ZNF141: variants seen among roughly 807,000 people sequenced by gnomAD.
The protein encoded by ZNF141 is zinc finger protein 141.
ZNF141 carries 7 observed loss-of-function variants against 11.3 expected under a neutral mutation model. That is an observed-to-expected ratio of 0.62 (90% CI 0.35 to 1.16). The LOEUF (loss-of-function observed/expected upper bound fraction) is 1.16. Among genes scored for constraint, ZNF141 ranks in the 50% most tolerant of loss-of-function variants. The pLI is 0.02. For synonymous variants in ZNF141, 183 were observed against 190.7 expected, an observed-to-expected ratio of 0.96 and a Z score of 0.33; for missense variants, 535 against 554.0, an observed-to-expected ratio of 0.97 and a Z score of 0.34.
chr4:368,494 G>A (rs1462606198), intron 3 of ZNF141, among the ~76,000 whole-genome samples: 4 of 152,068 alleles, frequency 2.6e-5, no homozygotes, highest in African/African-American at 9.7e-5. Context: ...CACCTGTCTC[G>A]GCCTCCCAAA....
Position 379,196 on chromosome 4 carries a change from T to C in ZNF141, c.*5334T>C, listed in dbSNP as rs982725907. ...TACTGTGTTCACGAAGTGGCCAATTTTGGGACCTTTAGCATCACTTGCCCT... is the reference window on the plus strand; with the variant it reads ...TACTGTGTTCACGAAGTGGCCAATTCTGGGACCTTTAGCATCACTTGCCCT... On this transcript the variant is annotated 3_prime_UTR_variant, in exon 4 of 4. Transcript: ENST00000240499. Among the ~76,000 whole-genome samples, 1 of 151,962 alleles carries C rather than the reference T, an allele frequency of 6.6e-6. No individual in the cohort carries two copies. Among genetic ancestry groups the C allele is most frequent in the African/African-American group, 2.4e-5 (1 of 41,334 alleles).
chr4:346,893 A>ACCCCCCC lies in ZNF141; in HGVS notation c.226+2465_226+2466insCCCCCCC, dbSNP rs781896435. Among the ~76,000 whole-genome samples, 91 of 135,432 alleles carry ACCCCCCC rather than the reference A, an allele frequency of 6.7e-4. 5 individuals are homozygous for ACCCCCCC. The highest frequency in any genetic ancestry group is 2.7e-3 in the African/African-American group (85 of 31,332). 88.8% of individuals were successfully genotyped at this position (135,432 alleles called of 152,430 possible). A position where few individuals can be genotyped will look rare whatever the true frequency, so the allele number is the denominator to read the frequency against. On this transcript the variant is annotated intron_variant, in intron 3 of 3. Transcript: ENST00000240499. ...TATATATGTATACACACACACACAC[A>ACCCCCCC]CCGCCCCCCCCATATATTGGCTACT...
intron 3 of ZNF141, among the ~76,000 whole-genome samples, chr4:367,116 A>G (rs1229871991): frequency 2.0e-5 from 3 of 152,262 alleles, no homozygotes; most frequent in Non-Finnish European, 4.4e-5. Flanking sequence ...TGGATAGGAA[A>G]GAGCAGAAAT....
chr4:353,375 A>AAC lies in ZNF141; in HGVS notation c.226+8946_226+8947insCA, dbSNP rs1277214776. On this transcript the variant is annotated intron_variant, in intron 3 of 3. Transcript: ENST00000240499. ...GAGTGACAAAGTGAGACCCTGTCTA[A>AAC]AAAAAAAAAAAATCACAGCAGACTT... is the stretch of plus-strand genomic sequence containing the variant. Among the ~76,000 whole-genome samples the AAC allele has an allele frequency of 2.0e-5, 3 of 148,854 alleles. No homozygotes were observed. In the East Asian group the frequency reaches 5.9e-4, roughly 29 times the overall value.
rs1712565785 is a variant in ZNF141, at chr4:380,557, C to A, written c.*6695C>A. ...ATCCCAGCTACTCAAGAGGTTGAGG[C>A]AGGAGAATCAGTTGAACCTGGGAGG... On this transcript the variant is annotated 3_prime_UTR_variant, in exon 4 of 4. Transcript: ENST00000240499. Among the ~76,000 whole-genome samples, 2 of 152,012 alleles carry A rather than the reference C, an allele frequency of 1.3e-5. No homozygotes were observed. Among genetic ancestry groups the A allele is most frequent in the South Asian group, 2.1e-4 (1 of 4,800 alleles).
At position 374,080 on chromosome 4, in the gene ZNF141, C is replaced by A; in HGVS notation, c.*218C>A. ...TATGGCAAAGCCTGTGAATGGTCCACAAACCTGAATGAGCAGAAGAAAATT... is the reference window on the plus strand; with the variant it reads ...TATGGCAAAGCCTGTGAATGGTCCAAAAACCTGAATGAGCAGAAGAAAATT... On this transcript the variant is annotated 3_prime_UTR_variant, in exon 4 of 4. Coordinates refer to ENST00000240499, the MANE Select transcript of ZNF141 (RefSeq NM_003441.4). 1 of 577,754 alleles carries A rather than the reference C, an allele frequency of 1.7e-6. No individual in the cohort carries two copies. The highest frequency in any genetic ancestry group is 3.1e-6 in the Non-Finnish European group (1 of 325,896). The allele number at this position is 577,754 out of a possible 1,614,324, so 35.8% of individuals were successfully genotyped here. A position where few individuals can be genotyped will look rare whatever the true frequency, so the allele number is the denominator to read the frequency against.
intron 3 of ZNF141, among the ~76,000 whole-genome samples, chr4:359,530 T>C (rs1560191177): frequency 6.6e-6 from 1 of 152,152 alleles, no homozygotes; most frequent in Non-Finnish European, 1.5e-5. Context: ...TCAGGTTTGT[T>C]CTGGGTTCAT....
chr4:365,731 A>C (rs956329163), intron 3 of ZNF141, among the ~76,000 whole-genome samples: 1 of 152,176 alleles, frequency 6.6e-6, no homozygotes, highest in African/African-American at 2.4e-5. Context: ...ATATGTGGTA[A>C]AGCATTCCTC....
intron 3 of ZNF141, among the ~76,000 whole-genome samples, chr4:360,718 A>T (rs552489137): frequency 1.1e-4 from 17 of 152,304 alleles, no homozygotes; most frequent in Admixed American, 7.2e-4. Flanking sequence ...AAGTTAAAAA[A>T]ATATACATAA....
intron 1 of ZNF141, among the ~76,000 whole-genome samples, chr4:341,806 C>T (rs1721064927): frequency 6.6e-6 from 1 of 152,054 alleles, no homozygotes; most frequent in Non-Finnish European, 1.5e-5. Context: ...GAGCTGGTGC[C>T]CACAATTTTC....
chr4:383,207 C>G lies in ZNF141; in HGVS notation c.*9345C>G, dbSNP rs1262494520. The G allele has an allele frequency of 7.2e-6, 5 of 696,508 alleles. No individual in the cohort carries two copies. Among genetic ancestry groups the G allele is most frequent in the Non-Finnish European group, 1.3e-5 (5 of 382,984 alleles). 43.1% of individuals were successfully genotyped at this position (696,508 alleles called of 1,614,324 possible). ...AGCTCACTCACAGAAGCAGAGCCAC[C>G]TAATTCACCAGCATCTAACCACTCA... On this transcript the variant is annotated 3_prime_UTR_variant, in exon 4 of 4. Transcript: ENST00000240499.
chr4:357,449 C>A (rs1291075830), intron 3 of ZNF141, among the ~76,000 whole-genome samples: 1 of 149,812 alleles, frequency 6.7e-6, no homozygotes, highest in Non-Finnish European at 1.5e-5. Context: ...CTCTCTTTGT[C>A]TTTGAATTCT....
At position 373,694 on chromosome 4, in the gene ZNF141, A is replaced by C; in HGVS notation, c.1257A>C (p.Ala419=). 1 of 1,614,170 alleles carries C rather than the reference A, an allele frequency of 6.2e-7. No homozygotes were observed. The highest frequency in any genetic ancestry group is 8.5e-7 in the Non-Finnish European group (1 of 1,180,004). Residue 419 remains alanine (A), a synonymous_variant, in exon 4 of 4, where the codon GCA becomes GCC. Transcript: ENST00000240499. ...GTCAACATAAGAAAATTCATAGTGC[A>C]GATAAACCCTACAAATGTAAAGAAT... ...DRSQHKKIHS[A]DKPYKCKECD...
At position 382,969 on chromosome 4, in the gene ZNF141, G is replaced by A. The variant is rs1162765930; in HGVS notation, c.*9107G>A. The A allele has an allele frequency of 8.1e-6, 4 of 496,592 alleles. No homozygotes were observed. The highest frequency in any genetic ancestry group is 2.0e-5 in the African/African-American group (1 of 50,984). 30.8% of individuals were successfully genotyped at this position (496,592 alleles called of 1,614,324 possible). On this transcript the variant is annotated 3_prime_UTR_variant, in exon 4 of 4. Transcript: ENST00000240499. ...GTCCTTGGAAATGGCTTTTATAGTCGTTCCTATCAAGAGACAGATTCTGTT... is the reference window on the plus strand; with the variant it reads ...GTCCTTGGAAATGGCTTTTATAGTCATTCCTATCAAGAGACAGATTCTGTT...
intron 3 of ZNF141, among the ~76,000 whole-genome samples, chr4:370,580 C>A (rs1423319439): frequency 6.6e-6 from 1 of 152,184 alleles, no homozygotes; most frequent in African/African-American, 2.4e-5. Context: ...GACAGATTCA[C>A]TTGTTATCTT....
rs181477407 is a variant in ZNF141, at chr4:376,743, A to T, written c.*2881A>T. On this transcript the variant is annotated 3_prime_UTR_variant, in exon 4 of 4. Transcript: ENST00000240499. ...GAGTTTGTACCTATTTTCCAAAGAA[A>T]ATAGCAATATTAGAACAAAGAAGAT... Among the ~76,000 whole-genome samples the T allele has an allele frequency of 1.2e-4, 18 of 152,270 alleles. No individual in the cohort carries two copies. In the East Asian group the frequency reaches 3.5e-3, roughly 29 times the overall value.
At position 337,931 on chromosome 4, in the gene ZNF141, C is replaced by T. The variant is rs1454483185; in HGVS notation, c.-53C>T. ...TCAGCCTCCGTCGCTCTGTGACCTG[C>T]GGGTATTGGATGATTGGTAGCTAAG... On this transcript the variant is annotated 5_prime_UTR_variant, in exon 1 of 4. Coordinates refer to ENST00000240499, the MANE Select transcript of ZNF141 (RefSeq NM_003441.4). 73 of 1,609,586 alleles carry T rather than the reference C, an allele frequency of 4.5e-5. No individual in the cohort carries two copies. Among genetic ancestry groups the T allele is most frequent in the Non-Finnish European group, 6.0e-5 (71 of 1,177,154 alleles).
rs1712757731 is a variant in ZNF141, at chr4:383,550, A to G, written c.*9688A>G. Reference sequence around the variant, plus strand: ...GGGAACTTAAGGCCAATTCGTGCTGACTTCCTACAAGAAAAAACACCAAGG... The same window carrying G: ...GGGAACTTAAGGCCAATTCGTGCTGGCTTCCTACAAGAAAAAACACCAAGG... On this transcript the variant is annotated 3_prime_UTR_variant, in exon 4 of 4. Transcript: ENST00000240499. 1 of 171,678 alleles carries G rather than the reference A, an allele frequency of 5.8e-6. No individual in the cohort carries two copies. Among genetic ancestry groups the G allele is most frequent in the African/African-American group, 2.4e-5 (1 of 41,830 alleles). The allele number at this position is 171,678 out of a possible 1,614,324, so 10.6% of individuals were successfully genotyped here. A position where few individuals can be genotyped will look rare whatever the true frequency, so the allele number is the denominator to read the frequency against.
intron 3 of ZNF141, among the ~76,000 whole-genome samples, chr4:358,969 G>GT (rs1721984472): frequency 6.6e-6 from 1 of 152,118 alleles, no homozygotes; most frequent in African/African-American, 2.4e-5. Context: ...AGCATTTTTA[G>GT]TTTCTTTTTG....
Sources: gnomAD v4.1 joint callset for allele counts (sites outside exome capture counted in the v4.1 genomes callset) on GRCh38, gnomAD v4.1.1 for gene constraint, MANE v1.5 for transcripts, NCBI Gene and HGNC (gene_info 2026-07-23, HGNC 2026-07-21) for gene names.